The following SUGCT variants were observed in gnomAD, a reference collection of about 807,000 sequenced individuals.
SUGCT encodes the protein succinyl-CoA:glutarate-CoA transferase.
SUGCT carries 41 observed loss-of-function variants against 55.0 expected under a neutral mutation model. The observed-to-expected ratio is 0.74, with a 90% confidence interval of 0.58 to 0.97. The LOEUF (loss-of-function observed/expected upper bound fraction) is 0.97. Among genes scored for constraint, SUGCT ranks in the 50% least tolerant of loss-of-function variants. SUGCT has a pLI of 0.00. For synonymous variants in SUGCT, 187 were observed against 200.4 expected (o/e 0.93, Z 0.56); for missense variants, 568 against 547.8 (o/e 1.04, Z -0.37).
intron 9 of SUGCT, among the ~76,000 whole-genome samples, chr7:40,407,062 A>T (rs1446426558): frequency 6.6e-6 from 1 of 151,858 alleles, no homozygotes; most frequent in Admixed American, 6.6e-5. Context: ...CAAAAAAGAT[A>T]AAAAAAAGAA....
chr7:40,353,385 C>T (rs1797736408), intron 9 of SUGCT, among the ~76,000 whole-genome samples: 1 of 152,130 alleles, frequency 6.6e-6, no homozygotes, highest in Non-Finnish European at 1.5e-5. Context: ...AATCAGAGTT[C>T]ACATTTTAAC....
chr7:40,751,409 G>C (rs1310581216), intron 13 of SUGCT, among the ~76,000 whole-genome samples: 1 of 152,148 alleles, frequency 6.6e-6, no homozygotes, highest in Non-Finnish European at 1.5e-5. Flanking sequence ...TGATACAGGA[G>C]TTTAGGTGAT....
the SUGCT span, among the ~76,000 whole-genome samples, chr7:40,954,096 C>T: frequency 4.1e-5 from 6 of 145,834 alleles, no homozygotes; most frequent in African/African-American, 1.5e-4. Flanking sequence ...GCAGTGGGCT[C>T]CACCCAGTTC....
the SUGCT span, among the ~76,000 whole-genome samples, chr7:41,034,984 C>G: frequency 6.6e-6 from 1 of 152,200 alleles, no homozygotes; most frequent in Non-Finnish European, 1.5e-5. Flanking sequence ...TTTCTCTGCC[C>G]CACAGGCTGG....
At chr7:40,998,457 G>A in the SUGCT span, among the ~76,000 whole-genome samples, 116 of 152,218 alleles carry the variant, frequency 7.6e-4, no homozygotes, top group Admixed American at 1.2e-3. Flanking sequence ...GAGGAACAAG[G>A]ATGACATGAA....
At chr7:40,899,488 G>C in the SUGCT span, among the ~76,000 whole-genome samples, 2 of 152,022 alleles carry the variant, frequency 1.3e-5, no homozygotes, top group African/African-American at 4.8e-5. Flanking sequence ...AAGAGGCAAC[G>C]CACACGCTGA....
At chr7:40,708,864 A>T (rs945341622) in intron 12 of SUGCT, among the ~76,000 whole-genome samples, 2 of 151,962 alleles carry the variant, frequency 1.3e-5, no homozygotes, top group Non-Finnish European at 2.9e-5. Context: ...TCTATATCAG[A>T]TTACATGTAT....
chr7:40,829,882 C>T (rs967880522), intron 13 of SUGCT, among the ~76,000 whole-genome samples: 8 of 152,190 alleles, frequency 5.3e-5, no homozygotes, highest in African/African-American at 1.9e-4. Context: ...ATATAGAAAA[C>T]TCAATTCATG....
the SUGCT span, among the ~76,000 whole-genome samples, chr7:40,985,873 A>T: frequency 2.6e-5 from 4 of 152,240 alleles, no homozygotes; most frequent in Non-Finnish European, 5.9e-5. Context: ...GTAAAAATTC[A>T]TACAAGAGTG....
chr7:40,411,517 G>A (rs1786690987), intron 9 of SUGCT, among the ~76,000 whole-genome samples: 1 of 152,188 alleles, frequency 6.6e-6, no homozygotes, highest in South Asian at 2.1e-4. Flanking sequence ...AAGCCAAATA[G>A]AGAAAGACAA....
At chr7:40,883,982 A>G in the SUGCT span, among the ~76,000 whole-genome samples, 1 of 152,190 alleles carries the variant, frequency 6.6e-6, no homozygotes, top group Admixed American at 6.5e-5. Context: ...TTTCTTCCAG[A>G]AAGAGAAATA....
the SUGCT span, among the ~76,000 whole-genome samples, chr7:40,888,565 C>T: frequency 6.6e-6 from 1 of 152,016 alleles, no homozygotes; most frequent in Non-Finnish European, 1.5e-5. Flanking sequence ...AAATTAATGA[C>T]ATTCTAAGCC....
chr7:40,835,643 A>G (rs927956930), intron 13 of SUGCT, among the ~76,000 whole-genome samples: 4 of 152,210 alleles, frequency 2.6e-5, no homozygotes, highest in African/African-American at 9.6e-5. Context: ...AACGTATTTG[A>G]TGGCTTTATT....
chr7:40,863,936 A>G (rs11972205), downstream of SUGCT, among the ~76,000 whole-genome samples: 1 of 152,144 alleles, frequency 6.6e-6, no homozygotes, highest in African/African-American at 2.4e-5. Context: ...AAAAAGATGC[A>G]TATTTCCATT....
intron 11 of SUGCT, among the ~76,000 whole-genome samples, chr7:40,484,792 G>C (rs1042730300): frequency 6.6e-6 from 1 of 152,110 alleles, no homozygotes; most frequent in African/African-American, 2.4e-5. Context: ...TAAGCCCTCT[G>C]TGGGACTGGC....
At chr7:41,035,501 C>T in the SUGCT span, among the ~76,000 whole-genome samples, 2 of 152,292 alleles carry the variant, frequency 1.3e-5, no homozygotes, top group South Asian at 2.1e-4. Flanking sequence ...AAATGTAAGA[C>T]CCATCCCTCT....
intron 1 of SUGCT, among the ~76,000 whole-genome samples, chr7:40,175,628 C>G (rs1295059048): frequency 6.6e-6 from 1 of 152,118 alleles, no homozygotes; most frequent in African/African-American, 2.4e-5. Flanking sequence ...TGAAGCTTAT[C>G]TAACAATGTA....
At chr7:40,950,967 G>A in the SUGCT span, among the ~76,000 whole-genome samples, 2 of 139,476 alleles carry the variant, frequency 1.4e-5, no homozygotes, top group African/African-American at 5.1e-5. Context: ...GATGATGCTG[G>A]CCTCATAAAA....
At chr7:40,409,894 A>G (rs913722105) in intron 9 of SUGCT, among the ~76,000 whole-genome samples, 2 of 152,166 alleles carry the variant, frequency 1.3e-5, no homozygotes, top group African/African-American at 4.8e-5. Flanking sequence ...TCTGTTCATC[A>G]TAGTTGAGTC....
Sources: allele counts gnomAD v4.1 joint callset (sites outside exome capture counted in the v4.1 genomes callset), GRCh38; gene constraint gnomAD v4.1.1; transcripts MANE v1.5; gene names NCBI Gene and HGNC (gene_info 2026-07-23, HGNC 2026-07-21).